BEGAIN: variants seen among roughly 807,000 people sequenced by gnomAD.
BEGAIN encodes brain enriched guanylate kinase associated, also known as brain-enriched guanylate kinase-associated protein.
BEGAIN carries 19 observed loss-of-function variants against 35.8 expected under a neutral mutation model. That is an observed-to-expected ratio of 0.53 (90% CI 0.37 to 0.78). The LOEUF is 0.78. Among genes scored for constraint, BEGAIN ranks in the 30% least tolerant of loss-of-function variants. The probability of loss-of-function intolerance (pLI) is 0.00; values close to 1 mark genes in which losing one functional copy is unlikely to be tolerated. For synonymous variants in BEGAIN, 462 were observed against 388.6 expected (o/e 1.19, Z -2.22); for missense variants, 795 against 853.6 (o/e 0.93, Z 0.85).
Position 100,538,840 on chromosome 14 carries a change from C to G in BEGAIN, c.968G>C (p.Ser323Thr). Residue 323 changes from serine to threonine, a missense_variant, in exon 7 of 7, where the codon AGC becomes ACC. Physicochemically the swap from Ser to Thr is moderately conservative, Grantham distance 58. Coordinates refer to ENST00000554140, the MANE Select transcript of BEGAIN (RefSeq NM_001385089.1). ...LPTSSSYSSF[S>T]ATSEEKEHAQ... The stretch of plus-strand genomic sequence containing the variant: ...GTGCTCCTTCTCCTCCGACGTGGCG[C>G]TGAAGCTGGAGTAGGAGCTGGACGT... The G allele has an allele frequency of 6.2e-7, 1 of 1,606,416 alleles. No individual in the cohort carries two copies. Among genetic ancestry groups the G allele is most frequent in the South Asian group, 1.1e-5 (1 of 89,892 alleles).
At position 100,573,427 on chromosome 14, in the gene BEGAIN, G is replaced by A. The variant is rs1169955269; in HGVS notation, c.43-5488C>T. ...AGGAGCAGCTGGGGTGCGGGGCCTC[G>A]TGCACCCTCATCAGGACCTTGGCTT... On this transcript the variant is annotated intron_variant, in intron 1 of 6. Coordinates refer to ENST00000554140, the MANE Select transcript of BEGAIN (RefSeq NM_001385089.1). This position sits in a 1 kb window ranked among gnomAD's most constrained non-coding sequence, Gnocchi z 4.2. Among the ~76,000 whole-genome samples the A allele has an allele frequency of 1.3e-5, 2 of 152,056 alleles. No homozygotes were observed. The highest frequency in any genetic ancestry group is 3.9e-4 in the East Asian group (2 of 5,170).
At position 100,538,124 on chromosome 14, in the gene BEGAIN, C is replaced by T. The variant is rs1363257718; in HGVS notation, c.1684G>A (p.Asp562Asn). ...SSPEPEQGSR[D>N]SLEPSSMEAS... ...TCCATGGAGCTCGGCTCCAAGGAGT[C>T]CCTGGAACCCTGCTCGGGCTCAGGG... Residue 562 changes from aspartate (D) to asparagine (N), a missense_variant, in exon 7 of 7, where the codon GAC becomes AAC. Asp to Asn is a conservative substitution (Grantham distance 23). Coordinates refer to ENST00000554140, the MANE Select transcript of BEGAIN (RefSeq NM_001385089.1). 1.9e-6 allele frequency: 3 copies of T among 1,550,398 alleles called. No homozygotes were observed. Among genetic ancestry groups the T allele is most frequent in the Non-Finnish European group, 2.6e-6 (3 of 1,151,146 alleles).
intron 2 of BEGAIN, among the ~76,000 whole-genome samples, chr14:100,556,425 G>A (rs550161738): frequency 4.5e-4 from 69 of 152,318 alleles, no homozygotes; most frequent in African/African-American, 1.5e-3. Flanking sequence ...CAGACCCAGC[G>A]CGTGCCCAGG....
chr14:100,568,333 C>CAA lies in BEGAIN; in HGVS notation c.43-395_43-394insTT. On this transcript the variant is annotated intron_variant, in intron 1 of 6. Coordinates refer to ENST00000554140, the MANE Select transcript of BEGAIN (RefSeq NM_001385089.1). This position sits in a 1 kb window ranked among gnomAD's most constrained non-coding sequence, Gnocchi z 7.5. ...CCCCCCGCCCCGCCCGTTAACCCTT[C>CAA]CTGCCCCGCGCTCCCTCCCGGAGGA... 1.5e-6 allele frequency: 1 copy of CAA among 659,226 alleles called. No homozygotes were observed. The highest frequency in any genetic ancestry group is 2.3e-6 in the Non-Finnish European group (1 of 432,172). The allele number at this position is 659,226 out of a possible 1,614,324, so 40.8% of individuals were successfully genotyped here.
intron 4 of BEGAIN, among the ~76,000 whole-genome samples, chr14:100,544,345 C>T (rs912509645): frequency 6.6e-6 from 1 of 152,186 alleles, no homozygotes; most frequent in African/African-American, 2.4e-5. Context: ...TCCAGGCACC[C>T]AGGCAGAGCC....
At chr14:100,553,034 G>A (rs1375526134) in intron 2 of BEGAIN, among the ~76,000 whole-genome samples, 1 of 152,172 alleles carries the variant, frequency 6.6e-6, no homozygotes, top group African/African-American at 2.4e-5. Context: ...CAGGAGACTG[G>A]GCAGGTTTTG....
Position 100,537,858 on chromosome 14 carries a change from G to C in BEGAIN, c.*111C>G, listed in dbSNP as rs2030788278. On this transcript the variant is annotated 3_prime_UTR_variant, in exon 7 of 7. Coordinates refer to ENST00000554140, the MANE Select transcript of BEGAIN (RefSeq NM_001385089.1). Reference sequence around the variant, plus strand: ...AGGTGCGGGGAGGAACAGACTCCTCGTTGTTGGCCGGGGCAGGGGAACAGC... The same window carrying C: ...AGGTGCGGGGAGGAACAGACTCCTCCTTGTTGGCCGGGGCAGGGGAACAGC... The C allele has an allele frequency of 1.4e-6, 2 of 1,424,232 alleles. No individual in the cohort carries two copies. The highest frequency in any genetic ancestry group is 1.5e-5 in the African/African-American group (1 of 68,048). 88.2% of individuals were successfully genotyped at this position (1,424,232 alleles called of 1,614,324 possible).
Position 100,540,507 on chromosome 14 carries a change from T to C in BEGAIN, c.481A>G (p.Lys161Glu), listed in dbSNP as rs761360062. Reference protein sequence around the residue: ...QCSQTYGRVHKVSELPSDFQE... With the variant: ...QCSQTYGRVHEVSELPSDFQE... ...CGGGGCCACGTTACCTCAGACACCT[T>C]GTGGACCCTGCCGTAGGTCTGGCTG... The change falls in exon 6 of 7, where the codon AAG becomes GAG. Residue 161 changes from lysine to glutamate, a missense_variant. Transcript: ENST00000554140. The C allele has an allele frequency of 1.2e-6, 2 of 1,600,638 alleles. No homozygotes were observed. The highest frequency in any genetic ancestry group is 1.7e-6 in the Non-Finnish European group (2 of 1,174,096).
chr14:100,556,449 G>C (rs371975053), intron 2 of BEGAIN, among the ~76,000 whole-genome samples: 1 of 152,148 alleles, frequency 6.6e-6, no homozygotes, highest in Non-Finnish European at 1.5e-5. Flanking sequence ...AGGGCAAAGC[G>C]GGCCAACCCA....
chr14:100,561,638 G>C (rs777100766), intron 2 of BEGAIN, among the ~76,000 whole-genome samples: 5 of 151,986 alleles, frequency 3.3e-5, no homozygotes, highest in African/African-American at 4.8e-5. Context: ...TGTAGTCCAG[G>C]CTATTTGGGA....
chr14:100,550,290 G>C, intron 2 of BEGAIN: 5 of 396,722 alleles, frequency 1.3e-5, no homozygotes. Context: ...CTGTGCCGCC[G>C]GCCCACGCCT....
chr14:100,551,660 A>G (rs2033211066), intron 2 of BEGAIN, among the ~76,000 whole-genome samples: 1 of 152,198 alleles, frequency 6.6e-6, no homozygotes, highest in Non-Finnish European at 1.5e-5. Flanking sequence ...TACAGTGAGG[A>G]TGAAAAATCA....
rs1340419791 is a variant in BEGAIN, at chr14:100,573,883, G to A, written c.43-5944C>T. Among the ~76,000 whole-genome samples, 1 of 151,078 alleles carries A rather than the reference G, an allele frequency of 6.6e-6. No individual in the cohort carries two copies. Among genetic ancestry groups the A allele is most frequent in the Non-Finnish European group, 1.5e-5 (1 of 67,740 alleles). Reference sequence around the variant, plus strand: ...CGACAGGGGCTGGGACAGAGCCCGGGACTCTGCCACTGTTGGGGATCAGGA... The same window carrying A: ...CGACAGGGGCTGGGACAGAGCCCGGAACTCTGCCACTGTTGGGGATCAGGA... On this transcript the variant is annotated intron_variant, in intron 1 of 6. Coordinates refer to ENST00000554140, the MANE Select transcript of BEGAIN (RefSeq NM_001385089.1). This position sits in a 1 kb window ranked among gnomAD's most constrained non-coding sequence, Gnocchi z 4.2.
chr14:100,578,347 G>A (rs2035247730), intron 1 of BEGAIN, among the ~76,000 whole-genome samples: 1 of 152,358 alleles, frequency 6.6e-6, no homozygotes, highest in South Asian at 2.1e-4. Flanking sequence ...AGGACAGGCA[G>A]TGGACAGATG....
At position 100,546,593 on chromosome 14, in the gene BEGAIN, G is replaced by C. The variant is rs748064094; in HGVS notation, c.141C>G (p.Leu47=). 110 of 1,592,282 alleles carry C rather than the reference G, an allele frequency of 6.9e-5. No individual in the cohort carries two copies. The highest frequency in any genetic ancestry group is 8.5e-5 in the Non-Finnish European group (100 of 1,172,480). ...LSYTTHKLEK[L]ETEFDSTRHY... is the part of the protein sequence containing the mutation. ...GGCGCGTGGAGTCGAACTCGGTCTC[G>C]AGCTTCTCGAGCTTGTGTGTGGTGT... The change falls in exon 3 of 7, where the codon CTC becomes CTG. Residue 47 remains leucine (L), a synonymous_variant. Transcript: ENST00000554140.
chr14:100,566,928 C>T (rs1221123978), intron 2 of BEGAIN, among the ~76,000 whole-genome samples: 2 of 152,314 alleles, frequency 1.3e-5, no homozygotes, highest in African/African-American at 2.4e-5. Context: ...CACTCACCCA[C>T]GGCACTAAGG....
intron 5 of BEGAIN, among the ~76,000 whole-genome samples, chr14:100,541,454 C>T (rs113589429): frequency 0.032 from 4,909 of 152,338 alleles, 246 homozygotes; most frequent in African/African-American, 0.11. Flanking sequence ...CCCCCCACCA[C>T]GGCCCTGGAG....
intron 3 of BEGAIN, 181 bp downstream of exon 3, chr14:100,546,320 G>C (rs1375004079): frequency 1.0e-5 from 5 of 484,620 alleles, no homozygotes. Flanking sequence ...GCGGCTTTCC[G>C]GGCCTCGGGC....
At chr14:100,580,521 TC>T (rs1317262670) in intron 1 of BEGAIN, among the ~76,000 whole-genome samples, 2 of 152,020 alleles carry the variant, frequency 1.3e-5, no homozygotes, top group East Asian at 3.9e-4. Flanking sequence ...GCACTTGCTT[TC>T]CCTCTGCCAG....
Sources: allele counts gnomAD v4.1 joint callset (sites outside exome capture counted in the v4.1 genomes callset), GRCh38; gene constraint gnomAD v4.1.1; non-coding constraint Gnocchi (gnomAD v3.1); transcripts MANE v1.5; gene names NCBI Gene and HGNC (gene_info 2026-07-23, HGNC 2026-07-21).